Variants in RMDN3 observed in about 807,000 individuals in gnomAD.
RMDN3 encodes the protein regulator of microtubule dynamics protein 3.
RMDN3 carries 41 observed loss-of-function variants against 61.8 expected under a neutral mutation model. The observed-to-expected ratio is 0.66, with a 90% CI of 0.52 to 0.86. The LOEUF (loss-of-function observed/expected upper bound fraction) is 0.86. Ranked by LOEUF, RMDN3 falls within the 40% of genes least tolerant of loss-of-function variation. The pLI is 0.00. For synonymous variants in RMDN3, 247 were observed against 232.0 expected (o/e 1.06, Z -0.59); for missense variants, 557 against 585.3 (o/e 0.95, Z 0.50).
intron 4 of RMDN3, among the ~76,000 whole-genome samples, chr15:40,745,472 G>C (rs1897497438): frequency 6.7e-6 from 1 of 149,278 alleles, no homozygotes; most frequent in Admixed American, 6.7e-5. Flanking sequence ...GAGTGCAGTG[G>C]TTCGATCTTG....
intron 1 of RMDN3, 103 bp from the exon 2 acceptor site, chr15:40,754,893 A>G: frequency 2.0e-6 from 2 of 986,880 alleles, no homozygotes; most frequent in Non-Finnish European, 2.9e-6. Context: ...TCAAGGCTGA[A>G]CCCCGGCAGG....
intron 4 of RMDN3, among the ~76,000 whole-genome samples, chr15:40,745,897 C>G (rs911390133): frequency 2.0e-5 from 3 of 152,164 alleles, no homozygotes; most frequent in African/African-American, 7.2e-5. Flanking sequence ...AACCTCTGGC[C>G]CAAGTCAACA....
intron 6 of RMDN3, among the ~76,000 whole-genome samples, chr15:40,742,867 T>G (rs1897337163): frequency 6.6e-6 from 1 of 152,188 alleles, no homozygotes; most frequent in African/African-American, 2.4e-5. Flanking sequence ...CTGAGAATCC[T>G]CATCTGAAAT....
intron 4 of RMDN3, among the ~76,000 whole-genome samples, chr15:40,751,201 A>G (rs1897806139): frequency 6.6e-6 from 1 of 152,244 alleles, no homozygotes; most frequent in South Asian, 2.1e-4. Flanking sequence ...ATAACTATGT[A>G]ATAAACTAAG....
chr15:40,746,757 C>T (rs576554765), intron 4 of RMDN3, among the ~76,000 whole-genome samples: 2 of 152,200 alleles, frequency 1.3e-5, no homozygotes, highest in African/African-American at 4.8e-5. Context: ...GCTTCAGCCT[C>T]ATCTAAAAAA....
chr15:40,749,447 G>A (rs1473509900), intron 4 of RMDN3, among the ~76,000 whole-genome samples: 1 of 152,232 alleles, frequency 6.6e-6, no homozygotes, highest in South Asian at 2.1e-4. Context: ...AGCCCAAGAG[G>A]TTGAGGCTGC....
chr15:40,744,295 TC>T, intron 5 of RMDN3, 146 bp from the exon 6 acceptor site: 2 of 657,872 alleles, frequency 3.0e-6, no homozygotes, highest in Non-Finnish European at 2.7e-6. Flanking sequence ...CACGCAGCCT[TC>T]CCCCCAGTCA....
intron 1 of RMDN3, 120 bp from the exon 2 acceptor site, chr15:40,754,910 C>T (rs1897982609): frequency 2.5e-6 from 2 of 809,964 alleles, no homozygotes; most frequent in Non-Finnish European, 3.8e-6. Flanking sequence ...CAGGTATCCC[C>T]TTGCCCAAAC....
rs762950422 is a variant in RMDN3, at chr15:40,751,964, GAGA to G, written c.380+19_380+21del. On this transcript the variant is annotated intron_variant, in intron 3 of 12. Coordinates refer to ENST00000338376, the MANE Select transcript of RMDN3 (RefSeq NM_018145.3). Reference sequence around the variant, plus strand: ...AAGCTGCAGGGGAGGGATAAAGCAGGAGAAGAAGCCGCATTACTCACCGGACCT... The same window carrying G: ...AAGCTGCAGGGGAGGGATAAAGCAGGAGAAGCCGCATTACTCACCGGACCT... 4 of 1,593,100 alleles carry G rather than the reference GAGA, an allele frequency of 2.5e-6. No individual in the cohort carries two copies. Among genetic ancestry groups the G allele is most frequent in the Non-Finnish European group, 3.4e-6 (4 of 1,176,066 alleles).
At chr15:40,754,126 G>GTTTTTTT in intron 2 of RMDN3, among the ~76,000 whole-genome samples, 2 of 101,970 alleles carry the variant, frequency 2.0e-5, no homozygotes, top group Non-Finnish European at 1.8e-5. Flanking sequence ...AACCACGACT[G>GTTTTTTT]CTTTTTTTTT....
chr15:40,744,090 C>G lies in RMDN3; in HGVS notation c.867G>C (p.Glu289Asp). 1 of 1,613,742 alleles carries G rather than the reference C, an allele frequency of 6.2e-7. No individual in the cohort carries two copies. Among genetic ancestry groups the G allele is most frequent in the South Asian group, 1.1e-5 (1 of 91,086 alleles). Residue 289 changes from glutamate (E) to aspartate (D), a missense_variant, in exon 6 of 13, where the codon GAG (glutamate) becomes GAC (aspartate). Transcript: ENST00000338376. The stretch of plus-strand genomic sequence containing the variant: ...TCTTCTCGCTCACCTCCTCAGTGAG[C>G]TCACACATGTCACTGTAGGCTCGGG... ...RLARAYSDMC[E>D]LTEEVSEKKS...
intron 4 of RMDN3, 51 bp from the exon 5 acceptor site, chr15:40,745,310 C>T (rs2141914241): frequency 1.3e-6 from 2 of 1,568,484 alleles, no homozygotes; most frequent in East Asian, 2.2e-5. Flanking sequence ...CTCAGAGCCC[C>T]TAGGGTCTGT....
intron 8 of RMDN3, among the ~76,000 whole-genome samples, chr15:40,738,270 C>A (rs1056343766): frequency 6.6e-6 from 1 of 152,122 alleles, no homozygotes; most frequent in African/African-American, 2.4e-5. Flanking sequence ...TGCCTGTAAT[C>A]CCAGCTACTT....
Position 40,752,042 on chromosome 15 carries a change from C to T in RMDN3, c.324G>A (p.Val108=), listed in dbSNP as rs1295261538. The T allele has an allele frequency of 6.2e-7, 1 of 1,614,112 alleles. No homozygotes were observed. The highest frequency in any genetic ancestry group is 1.3e-5 in the African/African-American group (1 of 74,942). Residue 108 remains valine (V), a synonymous_variant, in exon 3 of 13, where the codon GTG becomes GTA. Transcript: ENST00000338376. ...CTCGCAGGCTGCTTCTCAGCTCCTCCACCTCCCGCCGCAGCGCCACAAGGC... is the reference window on the plus strand; with the variant it reads ...CTCGCAGGCTGCTTCTCAGCTCCTCTACCTCCCGCCGCAGCGCCACAAGGC... ...LTSLVALRRE[V]EELRSSLRGL...
At position 40,745,245 on chromosome 15, in the gene RMDN3, T is replaced by C. The variant is rs960564928; in HGVS notation, c.539A>G (p.Asn180Ser). 6.8e-6 allele frequency: 11 copies of C among 1,613,612 alleles called. No homozygotes were observed. Among genetic ancestry groups the C allele is most frequent in the South Asian group, 1.1e-5 (1 of 91,084 alleles). The part of the protein sequence containing the change: ...AESEGGYTTA[N>S]AESDNERDSD... ...GTCCCGCTCATTGTCAGACTCCGCA[T>C]TGGCTGTTGTGTAACTGGCAGAGAA... is the stretch of plus-strand genomic sequence containing the variant. Residue 180 changes from asparagine (N) to serine (S), a missense_variant, in exon 5 of 13, where the codon AAT (asparagine) becomes AGT (serine). Coordinates refer to ENST00000338376, the MANE Select transcript of RMDN3 (RefSeq NM_018145.3).
intron 2 of RMDN3, 38 bp from the exon 3 acceptor site, chr15:40,752,216 GA>G: frequency 6.3e-7 from 1 of 1,590,506 alleles, no homozygotes. Context: ...TGACACACAG[GA>G]ATATGGTGGG....
At chr15:40,744,500 TG>T (rs61645498) in intron 5 of RMDN3, among the ~76,000 whole-genome samples, 205 of 131,410 alleles carry the variant, frequency 1.6e-3, no homozygotes, top group African/African-American at 4.4e-3. Flanking sequence ...TTCTAACTTC[TG>T]GGGGGGGGGC....
At chr15:40,737,471 G>T (rs1897101030) in intron 10 of RMDN3, 130 bp from the exon 11 acceptor site, 1 of 1,123,524 alleles carries the variant, frequency 8.9e-7, no homozygotes, top group Non-Finnish European at 1.3e-6. Flanking sequence ...CTATATTTTT[G>T]ATAAGCTGTG....
At chr15:40,753,219 G>A (rs1021922192) in intron 2 of RMDN3, among the ~76,000 whole-genome samples, 1 of 152,214 alleles carries the variant, frequency 6.6e-6, no homozygotes, top group Non-Finnish European at 1.5e-5. Context: ...CAATTAGCAT[G>A]GGAGTGAGAT....
Sources: allele counts gnomAD v4.1 joint callset (sites outside exome capture counted in the v4.1 genomes callset), GRCh38; gene constraint gnomAD v4.1.1; transcripts MANE v1.5; gene names NCBI Gene and HGNC (gene_info 2026-07-23, HGNC 2026-07-21).